Variants in FBXL18 observed in about 807,000 individuals in gnomAD.
FBXL18 encodes F-box/LRR-repeat protein 18.
In FBXL18, 36 loss-of-function variants were observed where a neutral mutation model predicts 46.0. The observed-to-expected ratio is 0.78, with a 90% CI of 0.60 to 1.03. The LOEUF (loss-of-function observed/expected upper bound fraction) is 1.03. FBXL18 is among the 50% of genes least tolerant of loss of function. FBXL18 has a pLI of 0.00. For synonymous variants in FBXL18, 557 were observed against 465.3 expected, an observed-to-expected ratio of 1.20 and a Z score of -2.54; for missense variants, 977 against 1,004.1, an observed-to-expected ratio of 0.97 and a Z score of 0.36.
At chr7:5,456,317 C>T (rs1323003942) in intron 4 of FBXL18, among the ~76,000 whole-genome samples, 1 of 152,252 alleles carries the variant, frequency 6.6e-6, no homozygotes, top group Non-Finnish European at 1.5e-5. Context: ...CCCTCAGTTT[C>T]CACTTCACCC....
rs1422969568 is a variant in FBXL18 at position 5,477,643 on chromosome 7, A to G, written c.*4132T>C. The G allele has an allele frequency of 6.6e-6, 1 of 150,490 alleles. No homozygotes were observed. The highest frequency in any genetic ancestry group is 2.4e-5 in the African/African-American group (1 of 41,044). The allele number at this position is 150,490 out of a possible 1,614,324, so 9.3% of individuals were successfully genotyped here. ...CTTGAACCTGTGAGGTGGAGGTTGTAGTGAGTGAGCTGAGATCGTGCCACT... is the reference window on the plus strand; with the variant it reads ...CTTGAACCTGTGAGGTGGAGGTTGTGGTGAGTGAGCTGAGATCGTGCCACT... On this transcript the variant is annotated 3_prime_UTR_variant, in exon 5 of 5. Transcript: ENST00000382368. This position sits in a 1 kb window ranked among gnomAD's most constrained non-coding sequence, Gnocchi z 4.4.
intron 4 of FBXL18, among the ~76,000 whole-genome samples, chr7:5,487,956 G>A (rs891733751): frequency 1.3e-5 from 2 of 152,242 alleles, no homozygotes; most frequent in Admixed American, 6.5e-5. Flanking sequence ...CCAACACCAC[G>A]CAGCAAGCAT....
At chr7:5,511,537 C>CGGG (rs57012847) in intron 1 of FBXL18, among the ~76,000 whole-genome samples, 34,590 of 151,242 alleles carry the variant, frequency 0.23, 4,525 homozygotes, top group Middle Eastern at 0.32. Context: ...ACCTGGGAAG[C>CGGG]AGAGGTTGCA....
At chr7:5,460,851 G>A (rs1030041061) in intron 4 of FBXL18, among the ~76,000 whole-genome samples, 5 of 152,124 alleles carry the variant, frequency 3.3e-5, no homozygotes, top group African/African-American at 9.7e-5. Flanking sequence ...CTGCAGCCCC[G>A]AAACATTTGT....
chr7:5,461,865 T>G (rs551373259), intron 4 of FBXL18, among the ~76,000 whole-genome samples: 1 of 151,852 alleles, frequency 6.6e-6, no homozygotes, highest in African/African-American at 2.4e-5. Flanking sequence ...CACTTGAGCT[T>G]GGGAGGCAGA....
At chr7:5,488,374 G>T (rs1170912970) in intron 4 of FBXL18, among the ~76,000 whole-genome samples, 2 of 152,236 alleles carry the variant, frequency 1.3e-5, no homozygotes, top group African/African-American at 4.8e-5. Context: ...CAGGCTCATC[G>T]GAGCAGGAGG....
chr7:5,502,137 G>C (rs1010290536), intron 2 of FBXL18, 106 bp from the exon 3 acceptor site: 37 of 827,564 alleles, frequency 4.5e-5, no homozygotes, highest in Non-Finnish European at 6.3e-5. Context: ...TGCTCCACCG[G>C]GAGGGAAGCT....
At chr7:5,498,293 A>G (rs1467123943) in intron 3 of FBXL18, among the ~76,000 whole-genome samples, 3 of 152,018 alleles carry the variant, frequency 2.0e-5, no homozygotes, top group Non-Finnish European at 2.9e-5. Flanking sequence ...TCACCGTGTT[A>G]GCCAGGATGG....
At chr7:5,509,105 A>T (rs1344226297) in intron 1 of FBXL18, among the ~76,000 whole-genome samples, 1 of 151,550 alleles carries the variant, frequency 6.6e-6, no homozygotes, top group Non-Finnish European at 1.5e-5. Flanking sequence ...AGGCAGAAGA[A>T]TCGCTTGAAC....
At chr7:5,510,537 C>T (rs1294791292) in intron 1 of FBXL18, among the ~76,000 whole-genome samples, 1 of 151,692 alleles carries the variant, frequency 6.6e-6, no homozygotes, top group Non-Finnish European at 1.5e-5. Flanking sequence ...CAAAAATTAG[C>T]CAGGCATGGT....
intron 2 of FBXL18, 139 bp downstream of exon 2, chr7:5,505,273 C>T: frequency 1.3e-6 from 1 of 759,750 alleles, no homozygotes; most frequent in African/African-American, 1.7e-5. Context: ...CTCAATGCAT[C>T]CTGCAGACGG....
At chr7:5,512,181 C>T (rs1784554813) in intron 1 of FBXL18, among the ~76,000 whole-genome samples, 1 of 148,964 alleles carries the variant, frequency 6.7e-6, no homozygotes, top group Non-Finnish European at 1.5e-5. Context: ...GGAGGCGGAG[C>T]TTGCAATGAG....
rs779163201 is a variant in FBXL18 at position 5,476,529 on chromosome 7, G to C, written c.*5246C>G. On this transcript the variant is annotated 3_prime_UTR_variant, in exon 5 of 5. Coordinates refer to ENST00000382368, the MANE Select transcript of FBXL18 (RefSeq NM_024963.6). Reference sequence around the variant, plus strand: ...GGCCCAGAGTGGAGGGCAATGGTGCGATCTTGGCTCACTGCAACATCCAAC... The same window carrying C: ...GGCCCAGAGTGGAGGGCAATGGTGCCATCTTGGCTCACTGCAACATCCAAC... 1.3e-5 allele frequency: 2 copies of C among 152,312 alleles called. No individual in the cohort carries two copies. Among genetic ancestry groups the C allele is most frequent in the African/African-American group, 4.8e-5 (2 of 41,422 alleles). The allele number at this position is 152,312 out of a possible 1,614,324, so 9.4% of individuals were successfully genotyped here. A position where few individuals can be genotyped will look rare whatever the true frequency, so the allele number is the denominator to read the frequency against.
chr7:5,482,867 C>G (rs1783683624), intron 4 of FBXL18, among the ~76,000 whole-genome samples: 1 of 151,862 alleles, frequency 6.6e-6, no homozygotes, highest in Non-Finnish European at 1.5e-5. Flanking sequence ...GAGACTTTGT[C>G]TCTATAAAAA....
chr7:5,485,583 G>A (rs1783750546), intron 4 of FBXL18, among the ~76,000 whole-genome samples: 1 of 152,108 alleles, frequency 6.6e-6, no homozygotes, highest in Non-Finnish European at 1.5e-5. Flanking sequence ...GGAAGCTGAG[G>A]TGGGAAGATC....
In FBXL18 at chr7:5,491,115, G is replaced by C. The variant is rs575838233; in HGVS notation, c.2000+116C>G. On this transcript the variant is annotated intron_variant, in intron 4 of 4. Coordinates refer to ENST00000382368, the MANE Select transcript of FBXL18 (RefSeq NM_024963.6). Reference sequence around the variant, plus strand: ...CTTGCTTTCACCCTGTCACTGCCTGGTGCTCGTCAATTCCAAGAAACCACT... The same window carrying C: ...CTTGCTTTCACCCTGTCACTGCCTGCTGCTCGTCAATTCCAAGAAACCACT... 1.3e-5 allele frequency: 12 copies of C among 956,340 alleles called. No homozygotes were observed. In the East Asian group the frequency reaches 2.9e-4, roughly 23 times the overall value. 59.2% of individuals were successfully genotyped at this position (956,340 alleles called of 1,614,324 possible).
At chr7:5,503,744 G>A (rs767370251) in intron 2 of FBXL18, among the ~76,000 whole-genome samples, 20 of 151,986 alleles carry the variant, frequency 1.3e-4, no homozygotes, top group Non-Finnish European at 2.5e-4. Context: ...TGAAATGGGC[G>A]GATCACGAGG....
chr7:5,491,401 C>T lies in FBXL18; in HGVS notation c.1830G>A (p.Leu610=). 6.2e-7 allele frequency: 1 copy of T among 1,604,828 alleles called. No individual in the cohort carries two copies. Among genetic ancestry groups the T allele is most frequent in the Non-Finnish European group, 8.5e-7 (1 of 1,176,964 alleles). Reference sequence around the variant, plus strand: ...GGCGCTGCAGCGAGGGGCACTGGCTCAGCGCCTGGAAGAACTGGGCGTTGG... The same window carrying T: ...GGCGCTGCAGCGAGGGGCACTGGCTTAGCGCCTGGAAGAACTGGGCGTTGG... ...FSANAQFFQA[L]SQCPSLQRLC... The change falls in exon 4 of 5, where the codon CTG becomes CTA. Residue 610 remains leucine, a synonymous_variant. Coordinates refer to ENST00000382368, the MANE Select transcript of FBXL18 (RefSeq NM_024963.6).
intron 2 of FBXL18, among the ~76,000 whole-genome samples, chr7:5,503,657 G>A (rs1482812528): frequency 6.6e-6 from 1 of 151,820 alleles, no homozygotes; most frequent in Non-Finnish European, 1.5e-5. Flanking sequence ...ACCAGACCCG[G>A]CCAAAAAATT....
Sources: gnomAD v4.1 joint callset for allele counts (sites outside exome capture counted in the v4.1 genomes callset) on GRCh38, gnomAD v4.1.1 for gene constraint, Gnocchi (gnomAD v3.1) non-coding constraint, MANE v1.5 for transcripts, NCBI Gene and HGNC (gene_info 2026-07-23, HGNC 2026-07-21) for gene names.